Variants in MTHFD1L observed in about 807,000 individuals in gnomAD.
MTHFD1L encodes monofunctional C1-tetrahydrofolate synthase, mitochondrial.
A neutral mutation model predicts 119.5 loss-of-function variants in MTHFD1L; 81 were observed. The ratio of observed to expected loss-of-function variants is 0.68; its 90% CI spans 0.57 to 0.82. The LOEUF is 0.82. MTHFD1L is among the 40% of genes least tolerant of loss of function. MTHFD1L has a pLI of 0.00. For synonymous variants in MTHFD1L, 430 were observed against 475.2 expected (o/e 0.90, Z 1.24); for missense variants, 1,125 against 1,253.4 (o/e 0.90, Z 1.55).
chr6:151,000,884 A>G (rs1780519002), intron 20 of MTHFD1L, among the ~76,000 whole-genome samples: 1 of 152,244 alleles, frequency 6.6e-6, no homozygotes, highest in Non-Finnish European at 1.5e-5. Context: ...GGTACTGTCC[A>G]GCATACACCT....
chr6:151,094,688 C>T (rs1238318688), intron 27 of MTHFD1L, among the ~76,000 whole-genome samples: 7 of 152,012 alleles, frequency 4.6e-5, no homozygotes, highest in Non-Finnish European at 8.8e-5. Flanking sequence ...GGATTACAGG[C>T]GTCCACCACC....
chr6:151,045,345 G>C (rs1325163197), intron 26 of MTHFD1L, among the ~76,000 whole-genome samples: 3 of 152,126 alleles, frequency 2.0e-5, no homozygotes, highest in Non-Finnish European at 4.4e-5. Context: ...CCCCCCAGCA[G>C]GTCCGCCAGG....
Position 150,876,144 on chromosome 6 carries a change from T to A in MTHFD1L, c.282T>A (p.Pro94=). ...TAAGTTTATTGCAAGAAAAAAACCC[T>A]GCCTTCAAGCCGGTTCTTGCAATTA... ...EVLSLLQEKN[P]AFKPVLAIIQ... Residue 94 remains proline (P), a synonymous_variant, in exon 2 of 28, where the codon CCT becomes CCA. Transcript: ENST00000367321. The A allele has an allele frequency of 1.9e-6, 3 of 1,604,806 alleles. No individual in the cohort carries two copies. The highest frequency in any genetic ancestry group is 2.6e-6 in the Non-Finnish European group (3 of 1,175,554).
At chr6:151,070,744 A>G (rs949447339) in intron 26 of MTHFD1L, among the ~76,000 whole-genome samples, 12 of 152,238 alleles carry the variant, frequency 7.9e-5, no homozygotes, top group African/African-American at 2.9e-4. Context: ...TGTGGGTCTT[A>G]GTTTGCCAAC....
chr6:150,882,401 G>A (rs1041852692), intron 4 of MTHFD1L, among the ~76,000 whole-genome samples: 3 of 152,198 alleles, frequency 2.0e-5, no homozygotes, highest in Non-Finnish European at 2.9e-5. Context: ...AGTGTGTTTG[G>A]CTTAAAGTAT....
intron 26 of MTHFD1L, among the ~76,000 whole-genome samples, chr6:151,056,918 T>C (rs998310949): frequency 2.0e-5 from 3 of 152,230 alleles, no homozygotes; most frequent in Admixed American, 6.5e-5. Flanking sequence ...GTGGAATGAA[T>C]TTTTTTCAGT....
intron 26 of MTHFD1L, among the ~76,000 whole-genome samples, chr6:151,041,275 T>C (rs1297864953): frequency 6.6e-6 from 1 of 152,192 alleles, no homozygotes; most frequent in Non-Finnish European, 1.5e-5. Context: ...TAATAAGGAC[T>C]GGTATTTATT....
chr6:150,908,204 G>A (rs1440943462), intron 8 of MTHFD1L, among the ~76,000 whole-genome samples: 1 of 151,560 alleles, frequency 6.6e-6, no homozygotes, highest in East Asian at 2.0e-4. Context: ...CACTGGGCCT[G>A]GCTAACTCTG....
At chr6:150,948,151 GCA>G (rs1428844646) in intron 15 of MTHFD1L, among the ~76,000 whole-genome samples, 1 of 151,734 alleles carries the variant, frequency 6.6e-6, no homozygotes, top group African/African-American at 2.4e-5. Context: ...GGGATTACAG[GCA>G]TGTGCCACCA....
chr6:151,027,292 T>C (rs1784732935), intron 24 of MTHFD1L, among the ~76,000 whole-genome samples: 1 of 152,206 alleles, frequency 6.6e-6, no homozygotes, highest in Non-Finnish European at 1.5e-5. Flanking sequence ...TTGTTTGTTG[T>C]GTCTCATTGT....
intron 16 of MTHFD1L, among the ~76,000 whole-genome samples, chr6:150,954,604 G>T (rs544539190): frequency 6.6e-6 from 1 of 151,850 alleles, no homozygotes; most frequent in Non-Finnish European, 1.5e-5. Flanking sequence ...CAGGAGAATC[G>T]CTTGATCCCA....
At chr6:150,995,648 A>T (rs577909380) in intron 20 of MTHFD1L, among the ~76,000 whole-genome samples, 42 of 152,196 alleles carry the variant, frequency 2.8e-4, no homozygotes, top group African/African-American at 1.0e-3. Context: ...TAAATTTTCC[A>T]ATAACATATC....
rs778560106 is a variant in MTHFD1L at position 150,922,053 on chromosome 6, G to T, written c.985-152G>T. On this transcript the variant is annotated intron_variant, in intron 9 of 27. Transcript: ENST00000367321. ...GAAAAACCTACAAACCTAGTTACAC[G>T]TGAATAAAAATATTCCTAATATCCT... 55 of 609,264 alleles carry T rather than the reference G, an allele frequency of 9.0e-5. 1 individual carries two copies. Among genetic ancestry groups the T allele is most frequent in the South Asian group, 3.1e-4 (13 of 42,274 alleles). 37.7% of individuals were successfully genotyped at this position (609,264 alleles called of 1,614,324 possible).
At chr6:151,006,730 C>T (rs1035289214) in intron 20 of MTHFD1L, among the ~76,000 whole-genome samples, 1 of 152,022 alleles carries the variant, frequency 6.6e-6, no homozygotes, top group Non-Finnish European at 1.5e-5. Context: ...CCTTCAGTGC[C>T]TTCTATGTGT....
intron 26 of MTHFD1L, among the ~76,000 whole-genome samples, chr6:151,084,169 T>C (rs1793495007): frequency 6.6e-6 from 1 of 152,208 alleles, no homozygotes; most frequent in Admixed American, 6.5e-5. Context: ...ACCAATTTAT[T>C]ACTTTGAAAA....
intron 20 of MTHFD1L, among the ~76,000 whole-genome samples, chr6:150,979,204 C>T (rs1388594159): frequency 6.6e-6 from 1 of 152,152 alleles, no homozygotes; most frequent in Admixed American, 6.5e-5. Flanking sequence ...TGCCATCGCA[C>T]TCCAGCCTGG....
At chr6:150,968,068 C>T (rs1407317839) in intron 19 of MTHFD1L, among the ~76,000 whole-genome samples, 1 of 152,066 alleles carries the variant, frequency 6.6e-6, no homozygotes, top group Non-Finnish European at 1.5e-5. Context: ...ATGTCCAGCT[C>T]CTTCGCCTCC....
chr6:151,057,826 T>C (rs1173550711), intron 26 of MTHFD1L, among the ~76,000 whole-genome samples: 1 of 152,226 alleles, frequency 6.6e-6, no homozygotes, highest in Non-Finnish European at 1.5e-5. Context: ...TGGCCCAGGC[T>C]GGAGTGCAGT....
chr6:150,998,995 A>AAAAAAAAAATGTATATAT (rs986639098), intron 20 of MTHFD1L, among the ~76,000 whole-genome samples: 18 of 143,584 alleles, frequency 1.3e-4, no homozygotes, highest in Middle Eastern at 3.4e-3. Context: ...GTCTTAAAAA[A>AAAAAAAAAATGTATATAT]ATATATATAC....
Sources: allele counts gnomAD v4.1 joint callset (sites outside exome capture counted in the v4.1 genomes callset), GRCh38; gene constraint gnomAD v4.1.1; transcripts MANE v1.5; gene names NCBI Gene and HGNC (gene_info 2026-07-23, HGNC 2026-07-21).